The following DACH2 variants were observed in gnomAD, a reference collection of about 807,000 sequenced individuals.
DACH2 encodes the protein dachshund family transcription factor 2.
DACH2 carries 17 observed loss-of-function variants against 35.8 expected under a neutral mutation model. The observed-to-expected ratio is 0.48, with a 90% CI of 0.33 to 0.71. The LOEUF (loss-of-function observed/expected upper bound fraction) is 0.71. DACH2 is among the 30% of genes least tolerant of loss of function. The probability of loss-of-function intolerance (pLI) is 0.02; values close to 1 mark genes in which losing one functional copy is unlikely to be tolerated. For synonymous variants in DACH2, 195 were observed against 177.3 expected (o/e 1.10, Z -0.79); for missense variants, 469 against 472.7 (o/e 0.99, Z 0.07).
intron 3 of DACH2, among the ~76,000 whole-genome samples, chrX:86,548,269 T>G (rs2039002308): frequency 9.0e-6 from 1 of 111,608 alleles, no homozygotes; most frequent in African/African-American, 3.2e-5. Flanking sequence ...TCCAAAATTT[T>G]TTATGATCCA....
At chrX:86,346,046 T>A (rs1254282957) in intron 1 of DACH2, among the ~76,000 whole-genome samples, 3 of 111,993 alleles carry the variant, frequency 2.7e-5, no homozygotes, top group Non-Finnish European at 1.9e-5. Flanking sequence ...TTACATTTTT[T>A]AAATATAGGC....
intron 7 of DACH2, among the ~76,000 whole-genome samples, chrX:86,793,932 T>C (rs1165290416): frequency 8.9e-6 from 1 of 112,274 alleles, no homozygotes; most frequent in African/African-American, 3.2e-5. Flanking sequence ...TGCATTGTAC[T>C]TAAATCTTTT....
intron 3 of DACH2, among the ~76,000 whole-genome samples, chrX:86,525,166 A>T (rs778304881): frequency 9.0e-6 from 1 of 111,064 alleles, no homozygotes; most frequent in East Asian, 2.8e-4. Flanking sequence ...ATACTTTCCC[A>T]AATATGCTGA....
intron 2 of DACH2, among the ~76,000 whole-genome samples, chrX:86,510,339 C>T (rs7062912): frequency 0.024 from 2,661 of 111,982 alleles, 77 homozygotes; most frequent in African/African-American, 0.082. Flanking sequence ...AGAATGTGTC[C>T]TATCTTATTG....
At chrX:86,624,857 T>C (rs1425134837) in intron 3 of DACH2, among the ~76,000 whole-genome samples, 4 of 111,576 alleles carry the variant, frequency 3.6e-5, no homozygotes, top group Non-Finnish European at 7.5e-5. Flanking sequence ...ATAGTGTTAC[T>C]AGCATTGTGC....
intron 6 of DACH2, among the ~76,000 whole-genome samples, chrX:86,732,282 G>T (rs761995912): frequency 1.8e-5 from 2 of 112,098 alleles, no homozygotes; most frequent in African/African-American, 3.2e-5. Flanking sequence ...TTGTGCTATT[G>T]TCTTCATCAC....
At chrX:86,520,198 A>G (rs894824862) in intron 3 of DACH2, among the ~76,000 whole-genome samples, 1 of 111,410 alleles carries the variant, frequency 9.0e-6, no homozygotes, top group Non-Finnish European at 1.9e-5. Context: ...CTTAATTCCC[A>G]TGTAATTGTA....
chrX:86,497,716 A>C (rs1250777623), intron 2 of DACH2, among the ~76,000 whole-genome samples: 1 of 112,160 alleles, frequency 8.9e-6, no homozygotes, highest in Non-Finnish European at 1.9e-5. Context: ...TATACTGGCC[A>C]GGCGTGGTGG....
At chrX:86,461,070 T>G (rs1602545515) in intron 2 of DACH2, among the ~76,000 whole-genome samples, 1 of 111,297 alleles carries the variant, frequency 9.0e-6, no homozygotes, top group African/African-American at 3.3e-5. Context: ...CAGTTATATA[T>G]TAACACTTAA....
chrX:86,150,330 C>G (rs995902421), intron 1 of DACH2, among the ~76,000 whole-genome samples: 4 of 111,937 alleles, frequency 3.6e-5, no homozygotes, highest in African/African-American at 1.3e-4. Flanking sequence ...ACAACTTTCT[C>G]AAAATGAACT....
At chrX:86,719,925 CTTTTTTCTTTT>C (rs1479818227) in intron 6 of DACH2, among the ~76,000 whole-genome samples, 4 of 69,200 alleles carry the variant, frequency 5.8e-5, no homozygotes, top group African/African-American at 1.7e-4. Context: ...CTTTTTTTTT[CTTTTTTCTTTT>C]TTTTTTCTTT....
chrX:86,613,676 T>C (rs958462390), intron 3 of DACH2, among the ~76,000 whole-genome samples: 7 of 111,196 alleles, frequency 6.3e-5, no homozygotes, highest in Non-Finnish European at 1.3e-4. Flanking sequence ...GTTATCTAGG[T>C]TCTGGTGTTT....
At chrX:86,568,185 A>G (rs1433160667) in intron 3 of DACH2, among the ~76,000 whole-genome samples, 3 of 111,546 alleles carry the variant, frequency 2.7e-5, no homozygotes, top group African/African-American at 9.8e-5. Context: ...AATGTGTCAA[A>G]CTATTCTGTA....
At chrX:86,290,963 A>C in intron 1 of DACH2, among the ~76,000 whole-genome samples, 1 of 109,646 alleles carries the variant, frequency 9.1e-6, no homozygotes, top group Admixed American at 9.8e-5. Flanking sequence ...CTGTGAAGAA[A>C]GTCATTGGTA....
At chrX:86,667,545 G>GAAAGAAAGAAAGAAGA (rs1556364144) in intron 4 of DACH2, among the ~76,000 whole-genome samples, 6 of 31,350 alleles carry the variant, frequency 1.9e-4, no homozygotes, top group East Asian at 1.1e-3. Context: ...AAGAAAGAAA[G>GAAAGAAAGAAAGAAGA]AAGAAAGAAA....
At chrX:86,706,890 A>T (rs914054184) in intron 5 of DACH2, among the ~76,000 whole-genome samples, 4 of 111,116 alleles carry the variant, frequency 3.6e-5, no homozygotes, top group Non-Finnish European at 7.6e-5. Context: ...TAATATATTA[A>T]AAAGGATAAA....
At chrX:86,252,289 A>G (rs1388037068) in intron 1 of DACH2, among the ~76,000 whole-genome samples, 1 of 110,383 alleles carries the variant, frequency 9.1e-6, no homozygotes, top group African/African-American at 3.3e-5. Flanking sequence ...CCACTCTCTG[A>G]GTTGTCTGTT....
intron 4 of DACH2, among the ~76,000 whole-genome samples, chrX:86,654,825 T>G (rs780248157): frequency 1.8e-5 from 2 of 111,713 alleles, no homozygotes; most frequent in Non-Finnish European, 3.8e-5. Flanking sequence ...TCATAATTAT[T>G]ATATAGATTT....
intron 6 of DACH2, among the ~76,000 whole-genome samples, chrX:86,737,897 G>A (rs1432277906): frequency 9.0e-6 from 1 of 111,114 alleles, no homozygotes; most frequent in African/African-American, 3.3e-5. Context: ...TAGTTTTTCA[G>A]CCCTTTCTCT....
Sources: gnomAD v4.1 joint callset for allele counts (sites outside exome capture counted in the v4.1 genomes callset) on GRCh38, gnomAD v4.1.1 for gene constraint, MANE v1.5 for transcripts, NCBI Gene and HGNC (gene_info 2026-07-23, HGNC 2026-07-21) for gene names.